The following FBXO47 variants were observed in gnomAD, a reference collection of about 807,000 sequenced individuals.
The protein encoded by FBXO47 is F-box protein 47.
A neutral mutation model predicts 53.9 loss-of-function variants in FBXO47; 34 were observed. The observed-to-expected ratio is 0.63, with a 90% CI of 0.48 to 0.84. The LOEUF is 0.84. FBXO47 is among the 40% of genes least tolerant of loss of function. The pLI, the probability that FBXO47 is intolerant of heterozygous loss-of-function variation, is 0.00. For missense variants in FBXO47, 485 were observed against 541.3 expected, an observed-to-expected ratio of 0.90 and a Z score of 1.03; for synonymous variants, 165 against 181.6, an observed-to-expected ratio of 0.91 and a Z score of 0.73.
chr17:38,953,165 A>G (rs1245635235), intron 5 of FBXO47, among the ~76,000 whole-genome samples: 1 of 140,824 alleles, frequency 7.1e-6, no homozygotes, highest in Non-Finnish European at 1.5e-5. Context: ...ACACACACAC[A>G]CAAAATAGCT....
chr17:38,961,546 G>T (rs932864391), intron 3 of FBXO47, among the ~76,000 whole-genome samples: 1 of 152,166 alleles, frequency 6.6e-6, no homozygotes, highest in East Asian at 1.9e-4. Context: ...AGGGAAAAGA[G>T]ATAAAGAGAT....
rs748577537 is a variant in FBXO47, at chr17:38,962,065, T to C, written c.182-18A>G. 4.4e-6 allele frequency: 7 copies of C among 1,596,934 alleles called. No individual in the cohort carries two copies. Among genetic ancestry groups the C allele is most frequent in the Non-Finnish European group, 5.1e-6 (6 of 1,171,814 alleles). On this transcript the variant is annotated intron_variant, in intron 2 of 10. Transcript: ENST00000378079. ...ATCCTTCACTACCAAAAGAAATATA[T>C]ATGTGTATGTATCAATGGCTTAAAT...
chr17:38,955,047 C>A, intron 4 of FBXO47, 114 bp from the exon 5 acceptor site: 1 of 745,888 alleles, frequency 1.3e-6, no homozygotes, highest in Non-Finnish European at 2.2e-6. Context: ...TTTTTCAGCA[C>A]CTATTCTGAT....
intron 1 of FBXO47, among the ~76,000 whole-genome samples, chr17:38,963,270 C>T (rs1419482763): frequency 7.2e-5 from 11 of 151,856 alleles, no homozygotes; most frequent in African/African-American, 2.2e-4. Flanking sequence ...CTCCACCTCC[C>T]GAGTTCAAGT....
At chr17:38,966,052 A>C (rs1398275311) in intron 1 of FBXO47, among the ~76,000 whole-genome samples, 2 of 152,140 alleles carry the variant, frequency 1.3e-5, no homozygotes, top group Non-Finnish European at 2.9e-5. Context: ...AATACTTTGT[A>C]ATCTGCTTTT....
chr17:38,950,488 C>T (rs868491022), intron 6 of FBXO47, among the ~76,000 whole-genome samples: 3 of 127,260 alleles, frequency 2.4e-5, no homozygotes, highest in South Asian at 2.5e-4. Flanking sequence ...TTTTGGAGAT[C>T]GGGATCTTGC....
chr17:38,945,068 G>A lies in FBXO47; in HGVS notation c.685C>T (p.His229Tyr). 2 of 1,613,890 alleles carry A rather than the reference G, an allele frequency of 1.2e-6. No homozygotes were observed. Among genetic ancestry groups the A allele is most frequent in the Non-Finnish European group, 1.7e-6 (2 of 1,179,840 alleles). The stretch of plus-strand genomic sequence containing the variant: ...AACCAAAAAGCAGAATCACTTCGAT[G>A]TGTCCAATGATCAAGGAGGACATTC... ...CRNVLLDHWTHRSDSAFWLTR... is the reference protein window; with the variant it reads ...CRNVLLDHWTYRSDSAFWLTR... Residue 229 changes from histidine (H) to tyrosine (Y), a missense_variant, in exon 7 of 11, where the codon CAT becomes TAT. Coordinates refer to ENST00000378079, the MANE Select transcript of FBXO47 (RefSeq NM_001008777.3).
chr17:38,946,925 AAC>A (rs1904938614), intron 6 of FBXO47, among the ~76,000 whole-genome samples: 2 of 122,430 alleles, frequency 1.6e-5, no homozygotes, highest in African/African-American at 6.6e-5. Flanking sequence ...AACATATATA[AAC>A]ATATAAATAT....
chr17:38,945,948 A>AAAAAAAAAAAAAAAAAT (rs1184511532), intron 6 of FBXO47, among the ~76,000 whole-genome samples: 26 of 117,114 alleles, frequency 2.2e-4, no homozygotes, highest in African/African-American at 8.8e-4. Flanking sequence ...AAAAAAAAAA[A>AAAAAAAAAAAAAAAAAT]ATATATATAT....
chr17:38,966,435 C>T (rs1265286748), intron 1 of FBXO47, among the ~76,000 whole-genome samples: 1 of 152,182 alleles, frequency 6.6e-6, no homozygotes, highest in Non-Finnish European at 1.5e-5. Flanking sequence ...TTCCTGACCT[C>T]GTGATCCGCC....
chr17:38,962,044 T>C lies in FBXO47; in HGVS notation c.185A>G (p.Lys62Arg), dbSNP rs1203057676. 1.2e-6 allele frequency: 2 copies of C among 1,609,700 alleles called. No individual in the cohort carries two copies. The highest frequency in any genetic ancestry group is 1.7e-6 in the Non-Finnish European group (2 of 1,178,888). ...FQIILKYLSV[K>R]DISMLSMVSK... ...CACCATGCTTAGCATGCTGATATCC[T>C]TCACTACCAAAAGAAATATATATGT... is the stretch of plus-strand genomic sequence containing the variant. The change falls in exon 3 of 11, where the codon AAG becomes AGG. Residue 62 changes from lysine to arginine, a missense_variant. Transcript: ENST00000378079.
intron 7 of FBXO47, among the ~76,000 whole-genome samples, chr17:38,944,700 CAAAAA>C (rs869294898): frequency 1.1e-5 from 1 of 90,978 alleles, no homozygotes; most frequent in Non-Finnish European, 2.2e-5. Flanking sequence ...GACTCCGTCT[CAAAAA>C]AAAAAAAAAA....
Position 38,936,760 on chromosome 17 carries a change from C to A in FBXO47, c.*415G>T, listed in dbSNP as rs1195428025. The A allele has an allele frequency of 6.5e-6, 1 of 153,474 alleles. No individual in the cohort carries two copies. Among genetic ancestry groups the A allele is most frequent in the Non-Finnish European group, 1.4e-5 (1 of 69,008 alleles). The allele number at this position is 153,474 out of a possible 1,614,324, so 9.5% of individuals were successfully genotyped here. ...CACCATATTGCAAATCTTCACAAAA[C>A]ATTCTGGGCTATGTCTATACAACTT... On this transcript the variant is annotated 3_prime_UTR_variant, in exon 11 of 11. Coordinates refer to ENST00000378079, the MANE Select transcript of FBXO47 (RefSeq NM_001008777.3).
chr17:38,954,860 A>G lies in FBXO47; in HGVS notation c.503T>C (p.Leu168Ser), dbSNP rs961349346. Residue 168 changes from leucine to serine, a missense_variant, in exon 5 of 11, where the codon TTA becomes TCA. By Grantham distance (145) the Leu-to-Ser change is moderately radical. Coordinates refer to ENST00000378079, the MANE Select transcript of FBXO47 (RefSeq NM_001008777.3). ...CTCTGATTAAAAAAAATGTACCTGT[A>G]AAAACATGCCATAACATGTTAATCC... The part of the protein sequence containing the change: ...CLGLTCYGMF[L>S]QTLTAGWDEL... The G allele has an allele frequency of 1.9e-6, 3 of 1,600,666 alleles. No homozygotes were observed. The highest frequency in any genetic ancestry group is 2.6e-6 in the Non-Finnish European group (3 of 1,173,326).
Position 38,962,983 on chromosome 17 carries a change from G to C in FBXO47, c.43C>G (p.Gln15Glu). ...TGACGATTACTACGTCTAAGTTTCTGGTTGGGAATCAAAGTGAAATTTGTA... is the reference window on the plus strand; with the variant it reads ...TGACGATTACTACGTCTAAGTTTCTCGTTGGGAATCAAAGTGAAATTTGTA... The part of the protein sequence containing the change: ...INTNFTLIPN[Q>E]KLRRSNRQTS... The change falls in exon 2 of 11, where the codon CAG becomes GAG. Residue 15 changes from glutamine to glutamate, a missense_variant. Transcript: ENST00000378079. 6.2e-7 allele frequency: 1 copy of C among 1,611,488 alleles called. No homozygotes were observed. Among genetic ancestry groups the C allele is most frequent in the South Asian group, 1.1e-5 (1 of 90,826 alleles).
intron 1 of FBXO47, among the ~76,000 whole-genome samples, chr17:38,966,555 G>T (rs1241868757): frequency 2.0e-5 from 3 of 152,172 alleles, no homozygotes; most frequent in Non-Finnish European, 4.4e-5. Flanking sequence ...TCCGGCCTTG[G>T]CTTCTTCCTG....
intron 6 of FBXO47, among the ~76,000 whole-genome samples, chr17:38,949,234 T>C (rs1490392453): frequency 6.6e-6 from 1 of 151,894 alleles, no homozygotes; most frequent in Non-Finnish European, 1.5e-5. Flanking sequence ...CTGGACAACA[T>C]GGTGAAACCC....
Position 38,962,888 on chromosome 17 carries a change from G to C in FBXO47, c.138C>G (p.Ala46=). 2 of 1,613,092 alleles carry C rather than the reference G, an allele frequency of 1.2e-6. No individual in the cohort carries two copies. Among genetic ancestry groups the C allele is most frequent in the South Asian group, 2.2e-5 (2 of 91,016 alleles). Residue 46 remains alanine, a synonymous_variant, in exon 2 of 11, where the codon GCC becomes GCG. Transcript: ENST00000378079. ...QPISTFGNFK[A]LPLEIFQIIL... is the part of the protein sequence containing the mutation. ...TTATCTGGAATATTTCCAATGGTAA[G>C]GCTTTAAAATTTCCAAATGTTGATA...
intron 6 of FBXO47, among the ~76,000 whole-genome samples, chr17:38,947,437 T>TC (rs1905002199): frequency 6.6e-6 from 1 of 151,940 alleles, no homozygotes; most frequent in South Asian, 2.1e-4. Flanking sequence ...CAAGCAATCC[T>TC]CCCACCTCAG....
Sources: allele counts gnomAD v4.1 joint callset (sites outside exome capture counted in the v4.1 genomes callset), GRCh38; gene constraint gnomAD v4.1.1; transcripts MANE v1.5; gene names NCBI Gene and HGNC (gene_info 2026-07-23, HGNC 2026-07-21).